The following FAM53B variants were observed in gnomAD, a reference collection of about 807,000 sequenced individuals.
FAM53B encodes protein FAM53B.
A neutral mutation model predicts 32.7 loss-of-function variants in FAM53B; 12 were observed. The observed-to-expected ratio is 0.37, with a 90% CI of 0.24 to 0.59. The LOEUF is 0.59. Ranked by LOEUF, FAM53B falls within the 20% of genes least tolerant of loss-of-function variation. The pLI, the probability that FAM53B is intolerant of heterozygous loss-of-function variation, is 0.72. For missense variants in FAM53B, 477 were observed against 577.7 expected, an observed-to-expected ratio of 0.83 and a Z score of 1.79; for synonymous variants, 234 against 228.7, an observed-to-expected ratio of 1.02 and a Z score of -0.21.
At chr10:124,721,653 C>T (rs1950069360) in intron 1 of FAM53B, among the ~76,000 whole-genome samples, 1 of 152,230 alleles carries the variant, frequency 6.6e-6, no homozygotes, top group Admixed American at 6.5e-5. Flanking sequence ...CAGCAGAATC[C>T]AACTTAAAGT....
intron 4 of FAM53B, among the ~76,000 whole-genome samples, chr10:124,643,170 A>G (rs1193718876): frequency 2.0e-5 from 3 of 152,238 alleles, no homozygotes; most frequent in African/African-American, 7.2e-5. Flanking sequence ...AGAAACGTCA[A>G]TTGTTGGAAC....
At chr10:124,650,059 A>G (rs1229677293) in intron 4 of FAM53B, among the ~76,000 whole-genome samples, 4 of 152,240 alleles carry the variant, frequency 2.6e-5, no homozygotes. Flanking sequence ...AACTAACGTC[A>G]TAACAAGACA....
In FAM53B at chr10:124,623,028, G is replaced by C. The variant is rs530933627; in HGVS notation, c.*214C>G. 71 of 580,010 alleles carry C rather than the reference G, an allele frequency of 1.2e-4. No homozygotes were observed. The African/African-American group carries it at 1.3e-3, about 10-fold the overall frequency. The allele number at this position is 580,010 out of a possible 1,614,324, so 35.9% of individuals were successfully genotyped here. On this transcript the variant is annotated 3_prime_UTR_variant, in exon 5 of 5. Coordinates refer to ENST00000337318, the MANE Select transcript of FAM53B (RefSeq NM_014661.4). ...GTGGACCTGGTGGCTGCCACGCTCG[G>C]GGAGCCGGTGAGAGGCTGACACACC...
chr10:124,623,334 G>C lies in FAM53B; in HGVS notation c.1177C>G (p.Pro393Ala). 6.2e-7 allele frequency: 1 copy of C among 1,612,322 alleles called. No individual in the cohort carries two copies. The highest frequency in any genetic ancestry group is 8.5e-7 in the Non-Finnish European group (1 of 1,179,730). ...CCGCGGTCCCGCCAGGCTGCAGCCG[G>C]CTCCGCTCTCCTGCCACAATCCTCG... ...LDEDCGRRAE[P>A]AAAWRDRGAP... Residue 393 changes from proline (P) to alanine (A), a missense_variant, in exon 5 of 5, where the codon CCG becomes GCG. Pro to Ala is a conservative substitution (Grantham distance 27). Coordinates refer to ENST00000337318, the MANE Select transcript of FAM53B (RefSeq NM_014661.4).
At chr10:124,695,108 C>T (rs758674921) in intron 3 of FAM53B, among the ~76,000 whole-genome samples, 11 of 152,128 alleles carry the variant, frequency 7.2e-5, no homozygotes, top group East Asian at 1.9e-4. Context: ...AACAAAACAC[C>T]GCACATGGAG....
chr10:124,667,907 G>T (rs1302623273), intron 4 of FAM53B, among the ~76,000 whole-genome samples: 1 of 152,166 alleles, frequency 6.6e-6, no homozygotes, highest in African/African-American at 2.4e-5. Context: ...TCACTCCCAC[G>T]ACATGGGGAG....
intron 4 of FAM53B, among the ~76,000 whole-genome samples, chr10:124,678,221 C>T (rs1228655222): frequency 6.6e-6 from 1 of 152,234 alleles, no homozygotes; most frequent in Admixed American, 6.5e-5. Flanking sequence ...CACCCTCCCT[C>T]CAAGTCCTGC....
chr10:124,663,300 T>C (rs1337170684), intron 4 of FAM53B, among the ~76,000 whole-genome samples: 1 of 152,190 alleles, frequency 6.6e-6, no homozygotes, highest in Non-Finnish European at 1.5e-5. Context: ...GGTACAGAGC[T>C]CTGGCTAAGG....
intron 1 of FAM53B, among the ~76,000 whole-genome samples, chr10:124,742,093 A>G (rs1004230466): frequency 6.6e-6 from 1 of 152,232 alleles, no homozygotes; most frequent in African/African-American, 2.4e-5. Context: ...CGTTTGGAAG[A>G]AAAAAATACA....
intron 2 of FAM53B, among the ~76,000 whole-genome samples, chr10:124,701,650 T>C (rs531776438): frequency 8.5e-4 from 130 of 152,260 alleles, no homozygotes; most frequent in African/African-American, 3.0e-3. Context: ...CAGCTAATGT[T>C]AGAACACTGG....
chr10:124,701,998 T>C (rs1245994253), intron 2 of FAM53B, among the ~76,000 whole-genome samples: 10 of 152,160 alleles, frequency 6.6e-5, no homozygotes, highest in Admixed American at 6.5e-4. Context: ...TCAACAGGCC[T>C]CAGAATTGGC....
chr10:124,734,354 C>G (rs1429044707), intron 1 of FAM53B, among the ~76,000 whole-genome samples: 1 of 152,194 alleles, frequency 6.6e-6, no homozygotes, highest in Non-Finnish European at 1.5e-5. Context: ...CTGCACTGAG[C>G]CTGGGGGCCA....
chr10:124,654,484 C>G (rs10736890), intron 4 of FAM53B, among the ~76,000 whole-genome samples: 140,923 of 152,248 alleles, frequency 0.93, 65,871 homozygotes, highest in Non-Finnish European at 0.99. Context: ...TGCAGTCATG[C>G]GGATGGCAGC....
chr10:124,740,620 G>GA (rs557097055), intron 1 of FAM53B, among the ~76,000 whole-genome samples: 167 of 152,254 alleles, frequency 1.1e-3, no homozygotes, highest in African/African-American at 3.7e-3. Flanking sequence ...CAGCCATCCA[G>GA]AAAAAACCCT....
At chr10:124,730,132 T>C (rs1950131644) in intron 1 of FAM53B, among the ~76,000 whole-genome samples, 1 of 152,240 alleles carries the variant, frequency 6.6e-6, no homozygotes, top group African/African-American at 2.4e-5. Flanking sequence ...AAGTAGTTCT[T>C]TATCTGATGC....
At chr10:124,672,770 G>A (rs1187628056) in intron 4 of FAM53B, among the ~76,000 whole-genome samples, 2 of 152,208 alleles carry the variant, frequency 1.3e-5, no homozygotes, top group African/African-American at 4.8e-5. Flanking sequence ...TAAGGAATGG[G>A]GCCTCCCCAG....
At chr10:124,726,055 C>T (rs974073840) in intron 1 of FAM53B, among the ~76,000 whole-genome samples, 1 of 152,134 alleles carries the variant, frequency 6.6e-6, no homozygotes, top group African/African-American at 2.4e-5. Flanking sequence ...GTTTCAGTCC[C>T]CGACCCCAGA....
In FAM53B at chr10:124,673,895, C is replaced by T. The variant is rs150469998; in HGVS notation, c.906+7712G>A. Among the ~76,000 whole-genome samples the T allele has an allele frequency of 2.4e-3, 371 of 152,338 alleles. 1 individual carries two copies. Among genetic ancestry groups the T allele is most frequent in the Non-Finnish European group, 4.1e-3 (281 of 68,038 alleles). ...CCAGATAACCTGACGCCCATGGCTA[C>T]ACCTGGGCAGATGCATGCATGGTCA... On this transcript the variant is annotated intron_variant, in intron 4 of 4. Transcript: ENST00000337318.
rs1491209326 is a variant in FAM53B at position 124,626,401 on chromosome 10, CCA to C, written c.907-2799_907-2798del. Among the ~76,000 whole-genome samples, 767 of 142,132 alleles carry C rather than the reference CCA, an allele frequency of 5.4e-3. 14 individuals carry two copies. Among genetic ancestry groups the C allele is most frequent in the Non-Finnish European group, 8.7e-3 (559 of 63,918 alleles). The allele number at this position is 142,132 out of a possible 152,430, so 93.2% of individuals were successfully genotyped here. A position where few individuals can be genotyped will look rare whatever the true frequency, so the allele number is the denominator to read the frequency against. On this transcript the variant is annotated intron_variant, in intron 4 of 4. Transcript: ENST00000337318. Reference sequence around the variant, plus strand: ...GTCGAAATTTGTGCCCCCCCCCCCCCCACCATTCCTCAGTGCAAAAGGTGGGG... The same window carrying C: ...GTCGAAATTTGTGCCCCCCCCCCCCCCCATTCCTCAGTGCAAAAGGTGGGG...
Sources: gnomAD v4.1 joint callset for allele counts (sites outside exome capture counted in the v4.1 genomes callset) on GRCh38, gnomAD v4.1.1 for gene constraint, MANE v1.5 for transcripts, NCBI Gene and HGNC (gene_info 2026-07-23, HGNC 2026-07-21) for gene names.